RPS16: variants seen among roughly 807,000 people sequenced by gnomAD.
RPS16 encodes small ribosomal subunit protein uS9.
In RPS16, 2 loss-of-function variants were observed where a neutral mutation model predicts 20.1. That is an observed-to-expected ratio of 0.10 (90% CI 0.04 to 0.31). The LOEUF (loss-of-function observed/expected upper bound fraction) is 0.31. Ranked by LOEUF, RPS16 falls within the 10% of genes least tolerant of loss-of-function variation. RPS16 has a pLI of 1.00. For synonymous variants in RPS16, 95 were observed against 76.1 expected, an observed-to-expected ratio of 1.25 and a Z score of -1.29; for missense variants, 129 against 198.6, an observed-to-expected ratio of 0.65 and a Z score of 2.11.
rs575139086 is a variant in RPS16 at position 39,435,823 on chromosome 19, C to A, written c.48+25G>T. The A allele has an allele frequency of 1.9e-6, 3 of 1,610,898 alleles. No homozygotes were observed. The Admixed American group carries it at 5.0e-5, about 27-fold the overall frequency. On this transcript the variant is annotated intron_variant, in intron 1 of 4. Coordinates refer to ENST00000251453, the MANE Select transcript of RPS16 (RefSeq NM_001020.6). ...GACCCTGGCCTTCTCCTTCCCCTCC[C>A]CTTCCCATCCGGCGTCTGGCTCACC...
Position 39,435,930 on chromosome 19 carries a change from G to A in RPS16, c.-35C>T, listed in dbSNP as rs377714471. The A allele has an allele frequency of 3.1e-6, 5 of 1,602,226 alleles. No individual in the cohort carries two copies. The highest frequency in any genetic ancestry group is 2.7e-5 in the African/African-American group (2 of 75,046). Reference sequence around the variant, plus strand: ...CGTGGACTAGACAACCTCACCGCGCGGCGCCGCAACCGGAAAAGGAAAGCT... The same window carrying A: ...CGTGGACTAGACAACCTCACCGCGCAGCGCCGCAACCGGAAAAGGAAAGCT... On this transcript the variant is annotated 5_prime_UTR_variant, in exon 1 of 5. Transcript: ENST00000251453.
intron 2 of RPS16, chr19:39,434,660 A>G (rs1025874835): frequency 6.6e-6 from 1 of 152,138 alleles, no homozygotes; most frequent in African/African-American, 2.4e-5. Context: ...CTACAGAAAA[A>G]TATTTCTCAA....
rs1421830322 is a variant in RPS16, at chr19:39,435,919, C to A, written c.-24G>T. Reference sequence around the variant, plus strand: ...ATGGCTCCGAGCGTGGACTAGACAACCTCACCGCGCGGCGCCGCAACCGGA... The same window carrying A: ...ATGGCTCCGAGCGTGGACTAGACAAACTCACCGCGCGGCGCCGCAACCGGA... On this transcript the variant is annotated 5_prime_UTR_variant, in exon 1 of 5. Coordinates refer to ENST00000251453, the MANE Select transcript of RPS16 (RefSeq NM_001020.6). The A allele has an allele frequency of 2.5e-6, 4 of 1,603,026 alleles. No homozygotes were observed. Among genetic ancestry groups the A allele is most frequent in the Non-Finnish European group, 3.4e-6 (4 of 1,179,912 alleles).
chr19:39,434,844 T>C (rs1431341534), intron 2 of RPS16: 1 of 152,182 alleles, frequency 6.6e-6, no homozygotes, highest in African/African-American at 2.4e-5. Flanking sequence ...CAAAAAAAAT[T>C]TTTTTAACTG....
At chr19:39,434,913 T>A (rs2078851794) in intron 2 of RPS16, 1 of 152,242 alleles carries the variant, frequency 6.6e-6, no homozygotes, top group South Asian at 2.1e-4. Flanking sequence ...GGGGCAGAAA[T>A]CAGACTCTGG....
At chr19:39,435,823 C>G in intron 1 of RPS16, 25 bp downstream of exon 1, 2 of 1,610,898 alleles carry the variant, frequency 1.2e-6, no homozygotes, top group Non-Finnish European at 1.7e-6. Context: ...CTTCCCCTCC[C>G]CTTCCCATCC....
intron 2 of RPS16, 37 bp downstream of exon 2, chr19:39,435,570 C>T: frequency 1.3e-6 from 2 of 1,551,776 alleles, no homozygotes; most frequent in African/African-American, 1.4e-5. Context: ...CTCCAAGAGT[C>T]CTCCATCCAC....
chr19:39,435,771 T>C (rs1230520676), intron 1 of RPS16, 63 bp from the exon 2 acceptor site: 25 of 1,606,060 alleles, frequency 1.6e-5, no homozygotes, highest in Non-Finnish European at 2.0e-5. Flanking sequence ...TGTTACCCCC[T>C]AGATTCCTGC....
intron 4 of RPS16, 29 bp downstream of exon 4, chr19:39,433,493 C>T: frequency 6.2e-7 from 1 of 1,613,290 alleles, no homozygotes; most frequent in Middle Eastern, 1.7e-4. Context: ...CACCCATCTA[C>T]CTCATGGGAA....
At chr19:39,435,466 C>A in intron 2 of RPS16, 141 bp downstream of exon 2, 1 of 644,298 alleles carries the variant, frequency 1.6e-6, no homozygotes. Context: ...AGCTCTATTG[C>A]CAAATACCCC....
chr19:39,435,580 C>A (rs1600679377), intron 2 of RPS16, 27 bp downstream of exon 2: 2 of 1,597,096 alleles, frequency 1.3e-6, no homozygotes, highest in Non-Finnish European at 1.7e-6. Flanking sequence ...CCTCCATCCA[C>A]TCAACGCCGG....
At chr19:39,434,611 A>C (rs905484780) in intron 2 of RPS16, 6 of 152,222 alleles carry the variant, frequency 3.9e-5, no homozygotes, top group Non-Finnish European at 7.3e-5. Flanking sequence ...ATCACATGAG[A>C]CCAAGGACCA....
At chr19:39,434,034 TCA>T (rs1338615657) in intron 2 of RPS16, 3 of 446,178 alleles carry the variant, frequency 6.7e-6, no homozygotes, top group East Asian at 9.0e-5. Flanking sequence ...TCACTGGACC[TCA>T]GACACCCTAC....
Position 39,433,387 on chromosome 19 carries a change from T to C in RPS16, c.327A>G (p.Lys109=), listed in dbSNP as rs1335278541. 7 of 1,614,176 alleles carry C rather than the reference T, an allele frequency of 4.3e-6. No homozygotes were observed. The East Asian group carries it at 1.6e-4, about 36-fold the overall frequency. ...TCCGGTCATACTGGATGAGGATGTC[T>C]TTGATCTCCTTCTTGGAAGCCTCAT... ...YVDEASKKEI[K]DILIQYDRTL... The change falls in exon 5 of 5, where the codon AAA becomes AAG. Residue 109 remains lysine (K), a synonymous_variant. Coordinates refer to ENST00000251453, the MANE Select transcript of RPS16 (RefSeq NM_001020.6).
chr19:39,435,437 T>A (rs927633405), intron 2 of RPS16, 170 bp downstream of exon 2: 12 of 593,206 alleles, frequency 2.0e-5, no homozygotes, highest in Admixed American at 3.1e-5. Context: ...AGCTTTTACA[T>A]CTTCTGAACC....
chr19:39,435,463 T>C (rs893718686), intron 2 of RPS16, 144 bp downstream of exon 2: 106 of 634,326 alleles, frequency 1.7e-4, no homozygotes, highest in African/African-American at 7.9e-4. Context: ...CCCAGCTCTA[T>C]TGCCAAATAC....
Position 39,433,241 on chromosome 19 carries a change from A to G in RPS16, c.*32T>C, listed in dbSNP as rs1397316111. Reference sequence around the variant, plus strand: ...CTTTAAAATCCCTCAAAAACTGTTTATTATACAAGTGAGTTTTGAGTCACG... The same window carrying G: ...CTTTAAAATCCCTCAAAAACTGTTTGTTATACAAGTGAGTTTTGAGTCACG... On this transcript the variant is annotated 3_prime_UTR_variant, in exon 5 of 5. Transcript: ENST00000251453. The G allele has an allele frequency of 1.9e-6, 3 of 1,608,944 alleles. No individual in the cohort carries two copies. Among genetic ancestry groups the G allele is most frequent in the Non-Finnish European group, 2.5e-6 (3 of 1,177,854 alleles).
Position 39,435,941 on chromosome 19 carries a change from CG to C in RPS16, c.-47del, listed in dbSNP as rs35207401. The C allele has an allele frequency of 1.2e-6, 2 of 1,601,404 alleles. No homozygotes were observed. Among genetic ancestry groups the C allele is most frequent in the Non-Finnish European group, 1.7e-6 (2 of 1,179,790 alleles). On this transcript the variant is annotated 5_prime_UTR_variant, in exon 1 of 5. Coordinates refer to ENST00000251453, the MANE Select transcript of RPS16 (RefSeq NM_001020.6). ...CAACCTCACCGCGCGGCGCCGCAAC[CG>C]GAAAAGGAAAGCTAGGGGCCACCCT...
Position 39,435,665 on chromosome 19 carries a change from A to C in RPS16, c.92T>G (p.Leu31Arg). ...AVAHCKRGNG[L>R]IKVNGRPLEM... The stretch of plus-strand genomic sequence containing the variant: ...CAGGGGCCGCCCGTTCACCTTGATG[A>C]GACCATTGCCGCGTTTGCAGTGCGC... The change falls in exon 2 of 5, where the codon CTC becomes CGC. Residue 31 changes from leucine (L) to arginine (R), a missense_variant. Physicochemically the swap from Leu to Arg is moderately radical, Grantham distance 102. Transcript: ENST00000251453. 1 of 1,614,066 alleles carries C rather than the reference A, an allele frequency of 6.2e-7. No individual in the cohort carries two copies. The highest frequency in any genetic ancestry group is 8.5e-7 in the Non-Finnish European group (1 of 1,180,044).
Sources: gnomAD v4.1 joint callset for allele counts on GRCh38, gnomAD v4.1.1 for gene constraint, MANE v1.5 for transcripts, NCBI Gene and HGNC (gene_info 2026-07-23, HGNC 2026-07-21) for gene names.